ZNF678: variants seen among roughly 807,000 people sequenced by gnomAD.
ZNF678 encodes the protein hypothetical protein MGC42493.
ZNF678 carries 5 observed loss-of-function variants against 3.0 expected under a neutral mutation model. The observed-to-expected ratio is 1.69, with a 90% CI of 0.88 to 3.56. The LOEUF (loss-of-function observed/expected upper bound fraction) is 3.56. ZNF678 is among the 30% of genes most tolerant of loss of function. The pLI is 0.00. For missense variants in ZNF678, 593 were observed against 605.0 expected, an observed-to-expected ratio of 0.98 and a Z score of 0.21; for synonymous variants, 218 against 199.6, an observed-to-expected ratio of 1.09 and a Z score of -0.78.
chr1:227,596,237 A>G (rs1019281811), intron 1 of ZNF678, among the ~76,000 whole-genome samples: 1 of 152,218 alleles, frequency 6.6e-6, no homozygotes, highest in African/African-American at 2.4e-5. Context: ...CCATCCGCCA[A>G]TCACCTCACT....
chr1:227,581,021 A>G (rs1312007011), intron 1 of ZNF678, among the ~76,000 whole-genome samples: 1 of 152,120 alleles, frequency 6.6e-6, no homozygotes, highest in African/African-American at 2.4e-5. Flanking sequence ...GTCATGTACA[A>G]TTTTCACTGG....
intron 1 of ZNF678, among the ~76,000 whole-genome samples, chr1:227,599,851 G>C (rs951466315): frequency 7.9e-5 from 12 of 152,074 alleles, no homozygotes; most frequent in African/African-American, 2.9e-4. Context: ...TACATGTGCA[G>C]GTTTGTTATA....
At chr1:227,634,605 T>C (rs966080154) in intron 1 of ZNF678, among the ~76,000 whole-genome samples, 4 of 152,164 alleles carry the variant, frequency 2.6e-5, no homozygotes, top group Non-Finnish European at 5.9e-5. Flanking sequence ...GTGATCGTGG[T>C]AGCCACAGAG....
chr1:227,598,561 C>T (rs745662524), intron 1 of ZNF678: 4 of 769,168 alleles, frequency 5.2e-6, no homozygotes, highest in Non-Finnish European at 8.2e-6. Context: ...GCTCGTACCT[C>T]CTCAGTAAAC....
chr1:227,597,934 C>T (rs1314761340), intron 1 of ZNF678, among the ~76,000 whole-genome samples: 1 of 152,074 alleles, frequency 6.6e-6, no homozygotes, highest in Non-Finnish European at 1.5e-5. Flanking sequence ...CAAACCAGCT[C>T]CGCAACCCTA....
chr1:227,648,678 G>A lies in ZNF678; in HGVS notation c.-37+2008G>A, dbSNP rs549781997. 5.3e-5 allele frequency among the ~76,000 whole-genome samples: 8 copies of A among 152,050 alleles called. No individual in the cohort carries two copies. In the South Asian group the frequency reaches 1.7e-3, roughly 31 times the overall value. On this transcript the variant is annotated intron_variant, in intron 2 of 3. Coordinates refer to ENST00000343776, the MANE Select transcript of ZNF678 (RefSeq NM_001367909.1). ...ACTAAAAAAAACAAAAATTAGCTGG[G>A]CATGGTGGCAGGTGCCTGTAATCCC...
chr1:227,609,216 C>T (rs1313046296), intron 1 of ZNF678, among the ~76,000 whole-genome samples: 2 of 151,996 alleles, frequency 1.3e-5, no homozygotes, highest in Admixed American at 6.5e-5. Context: ...ATACAATGCA[C>T]AGTCAAAACA....
At chr1:227,606,289 CAT>C (rs1657868301) in intron 1 of ZNF678, among the ~76,000 whole-genome samples, 1 of 152,142 alleles carries the variant, frequency 6.6e-6, no homozygotes, top group South Asian at 2.1e-4. Flanking sequence ...AGCAGGAAAA[CAT>C]GTGAGTAAAG....
intron 1 of ZNF678, among the ~76,000 whole-genome samples, chr1:227,564,033 T>C (rs1347293811): frequency 6.6e-6 from 1 of 152,256 alleles, no homozygotes; most frequent in Non-Finnish European, 1.5e-5. Flanking sequence ...TCCATGGGGC[T>C]TATCTTAGCT....
chr1:227,670,136 G>A (rs1444427895), intron 5 of ZNF678, among the ~76,000 whole-genome samples: 1 of 152,218 alleles, frequency 6.6e-6, no homozygotes, highest in Non-Finnish European at 1.5e-5. Flanking sequence ...AGAAGTGGAA[G>A]ATAAACAAAT....
In ZNF678 at chr1:227,657,675, G is replaced by C. The variant is rs1043973454; in HGVS notation, c.*1847G>C. 2.0e-5 allele frequency: 3 copies of C among 151,968 alleles called. No individual in the cohort carries two copies. The highest frequency in any genetic ancestry group is 7.2e-5 in the African/African-American group (3 of 41,400). The allele number at this position is 151,968 out of a possible 1,614,324, so 9.4% of individuals were successfully genotyped here. A position where few individuals can be genotyped will look rare whatever the true frequency, so the allele number is the denominator to read the frequency against. ...AACATGGAGTTAATTTTATAAGTCT[G>C]TCACTCTAAACATAAGTGTTAGCTT... On this transcript the variant is annotated 3_prime_UTR_variant, in exon 4 of 4. Transcript: ENST00000343776.
intron 1 of ZNF678, among the ~76,000 whole-genome samples, chr1:227,631,051 G>A (rs1658536200): frequency 1.3e-5 from 2 of 152,088 alleles, no homozygotes; most frequent in Non-Finnish European, 1.5e-5. Context: ...AGGAATATAA[G>A]TTGTTTCTTT....
intron 1 of ZNF678, among the ~76,000 whole-genome samples, chr1:227,630,685 G>A (rs559200612): frequency 3.8e-4 from 58 of 152,254 alleles, no homozygotes; most frequent in African/African-American, 1.3e-3. Context: ...CCCACTGCTT[G>A]GAGGGGACAT....
chr1:227,627,386 C>G (rs748753698), intron 1 of ZNF678, among the ~76,000 whole-genome samples: 43 of 152,012 alleles, frequency 2.8e-4, no homozygotes, highest in Non-Finnish European at 4.9e-4. Context: ...AAGGGGATTA[C>G]CCTGTACTAG....
Position 227,654,861 on chromosome 1 carries a change from G to C in ZNF678, c.611G>C (p.Ser204Thr), listed in dbSNP as rs757547874. The part of the protein sequence containing the change: ...SQLTSHKKIH[S>T]GEKPYPCEEC... ...CTAACTAGCCATAAGAAAATTCATA[G>C]TGGAGAGAAACCATACCCATGTGAA... Residue 204 changes from serine (S) to threonine (T), a missense_variant, in exon 4 of 4, where the codon AGT (serine) becomes ACT (threonine). Transcript: ENST00000343776. 2 of 1,607,166 alleles carry C rather than the reference G, an allele frequency of 1.2e-6. No individual in the cohort carries two copies. The highest frequency in any genetic ancestry group is 1.7e-6 in the Non-Finnish European group (2 of 1,178,658).
chr1:227,668,589 G>C (rs1216081858), intron 5 of ZNF678, among the ~76,000 whole-genome samples: 2 of 152,190 alleles, frequency 1.3e-5, no homozygotes, highest in Non-Finnish European at 2.9e-5. Context: ...TCTGAGTTGG[G>C]CATGAGTATA....
chr1:227,616,339 G>A (rs1002202037), intron 1 of ZNF678, among the ~76,000 whole-genome samples: 3 of 152,170 alleles, frequency 2.0e-5, no homozygotes, highest in Admixed American at 2.0e-4. Context: ...TTTTGCCTCT[G>A]GCCTCAGGCT....
intron 3 of ZNF678, among the ~76,000 whole-genome samples, chr1:227,652,237 A>G (rs1659108809): frequency 1.3e-5 from 2 of 152,182 alleles, no homozygotes; most frequent in African/African-American, 4.8e-5. Context: ...TTGTTGACAT[A>G]TAATGTACTT....
chr1:227,650,929 A>T (rs910415571), intron 2 of ZNF678, 27 bp from the exon 3 acceptor site: 4 of 1,519,876 alleles, frequency 2.6e-6, no homozygotes, highest in African/African-American at 2.8e-5. Flanking sequence ...CTTTTAAAAA[A>T]TTTTCTTGCC....
Sources: gnomAD v4.1 joint callset for allele counts (sites outside exome capture counted in the v4.1 genomes callset) on GRCh38, gnomAD v4.1.1 for gene constraint, MANE v1.5 for transcripts, NCBI Gene and HGNC (gene_info 2026-07-23, HGNC 2026-07-21) for gene names.